The following SF3A3 variants were observed in gnomAD, a reference collection of about 807,000 sequenced individuals.
SF3A3 encodes splicing factor 3a subunit 3.
A neutral mutation model predicts 85.8 loss-of-function variants in SF3A3; 9 were observed. That is an observed-to-expected ratio of 0.10 (90% CI 0.06 to 0.18). The LOEUF (loss-of-function observed/expected upper bound fraction) is 0.18. Ranked by LOEUF, SF3A3 falls within the 10% of genes least tolerant of loss-of-function variation. The pLI, the probability that SF3A3 is intolerant of heterozygous loss-of-function variation, is 1.00. For synonymous variants in SF3A3, 195 were observed against 204.4 expected (o/e 0.95, Z 0.39); for missense variants, 306 against 593.3 (o/e 0.52, Z 5.03).
rs553607722 is a variant in SF3A3 at position 37,968,266 on chromosome 1, G to T, written c.1282-132C>A. 11 of 663,964 alleles carry T rather than the reference G, an allele frequency of 1.7e-5. No individual in the cohort carries two copies. In the African/African-American group the frequency reaches 2.0e-4, roughly 12 times the overall value. 41.1% of individuals were successfully genotyped at this position (663,964 alleles called of 1,614,324 possible). Reference sequence around the variant, plus strand: ...CACCTAAAGGTAGCATTCCTTTTGTGATTCATGTTTGTAAACAGCTGGCTG... The same window carrying T: ...CACCTAAAGGTAGCATTCCTTTTGTTATTCATGTTTGTAAACAGCTGGCTG... On this transcript the variant is annotated intron_variant, in intron 14 of 16. Transcript: ENST00000373019.
At chr1:37,966,602 G>A (rs1224673832) in intron 15 of SF3A3, among the ~76,000 whole-genome samples, 1 of 152,088 alleles carries the variant, frequency 6.6e-6, no homozygotes, top group Non-Finnish European at 1.5e-5. Flanking sequence ...CTTCTCAAAG[G>A]AGAAACAATC....
chr1:37,969,354 A>G lies in SF3A3; in HGVS notation c.1281T>C (p.Ala427=). 1 of 1,605,438 alleles carries G rather than the reference A, an allele frequency of 6.2e-7. No homozygotes were observed. Among genetic ancestry groups the G allele is most frequent in the Non-Finnish European group, 8.5e-7 (1 of 1,173,858 alleles). ...GGAAAAATGGCTCTGAATTCCTTAC[A>G]GCAAAGTGTCGCTGGAAGGCTTTGG... The part of the protein sequence containing the change: ...RGPKAFQRHF[A]EWRHAHGMRC... The change falls in exon 14 of 17, where the codon GCT becomes GCC. Residue 427 remains alanine, a splice_region_variant and synonymous_variant. Coordinates refer to ENST00000373019, the MANE Select transcript of SF3A3 (RefSeq NM_006802.4).
At chr1:37,983,088 G>A (rs935140642) in intron 6 of SF3A3, among the ~76,000 whole-genome samples, 3 of 151,618 alleles carry the variant, frequency 2.0e-5, no homozygotes, top group Non-Finnish European at 2.9e-5. Context: ...ACAGGCATGC[G>A]CCACCATGCC....
chr1:37,980,782 G>T, intron 7 of SF3A3, 58 bp from the exon 8 acceptor site: 1 of 1,274,146 alleles, frequency 7.8e-7, no homozygotes, highest in Non-Finnish European at 1.1e-6. Context: ...TTGGTATCTT[G>T]TTATTCCCTG....
chr1:37,986,554 G>A (rs556115367), intron 4 of SF3A3, among the ~76,000 whole-genome samples: 7 of 151,620 alleles, frequency 4.6e-5, no homozygotes, highest in Non-Finnish European at 1.0e-4. Context: ...GCTCATGCCT[G>A]TAATCCCAGC....
At chr1:37,987,320 C>T (rs1646464089) in intron 4 of SF3A3, among the ~76,000 whole-genome samples, 1 of 152,164 alleles carries the variant, frequency 6.6e-6, no homozygotes, top group Admixed American at 6.5e-5. Flanking sequence ...CTCAGGTGAT[C>T]CACCCACCTC....
At chr1:37,972,309 G>A (rs1646349925) in intron 12 of SF3A3, among the ~76,000 whole-genome samples, 2 of 152,168 alleles carry the variant, frequency 1.3e-5, no homozygotes, top group African/African-American at 4.8e-5. Flanking sequence ...GGGATGTGAA[G>A]GACCTCTTCA....
chr1:37,971,455 G>C (rs1215755513), intron 12 of SF3A3, among the ~76,000 whole-genome samples: 1 of 152,102 alleles, frequency 6.6e-6, no homozygotes, highest in Non-Finnish European at 1.5e-5. Flanking sequence ...CATTCCTTCT[G>C]AAACTATTCT....
rs1158530075 is a variant in SF3A3 at position 37,957,550 on chromosome 1, T to C, written c.*636A>G. 6.6e-6 allele frequency: 1 copy of C among 151,396 alleles called. No homozygotes were observed. The highest frequency in any genetic ancestry group is 2.4e-5 in the African/African-American group (1 of 41,048). The allele number at this position is 151,396 out of a possible 1,614,324, so 9.4% of individuals were successfully genotyped here. ...TTAATGAGACAGGGTCTCACTATGT[T>C]ACCTAGGCTAGTCTCAAGCAACCCT... On this transcript the variant is annotated 3_prime_UTR_variant, in exon 17 of 17. Transcript: ENST00000373019.
At position 37,989,979 on chromosome 1, in the gene SF3A3, C is replaced by T; in HGVS notation, c.-14G>A. 1.2e-6 allele frequency: 2 copies of T among 1,600,476 alleles called. No individual in the cohort carries two copies. The highest frequency in any genetic ancestry group is 1.7e-6 in the Non-Finnish European group (2 of 1,172,686). On this transcript the variant is annotated 5_prime_UTR_variant, in exon 1 of 17. Coordinates refer to ENST00000373019, the MANE Select transcript of SF3A3 (RefSeq NM_006802.4). The stretch of plus-strand genomic sequence containing the variant: ...TATTGTCTCCATCTTCCCTTAGTCG[C>T]GGCTTCTCAATTCAGACCACCAACA...
intron 11 of SF3A3, among the ~76,000 whole-genome samples, chr1:37,977,288 G>A (rs1646385290): frequency 6.6e-6 from 1 of 152,196 alleles, no homozygotes; most frequent in Non-Finnish European, 1.5e-5. Context: ...TCCTGACTCT[G>A]CTACTTAGAA....
At position 37,984,217 on chromosome 1, in the gene SF3A3, G is replaced by A. The variant is rs139312538; in HGVS notation, c.420C>T (p.Leu140=). Residue 140 remains leucine, a synonymous_variant, in exon 6 of 17, where the codon CTC becomes CTT. Transcript: ENST00000373019. ...ACTTGAGGTAACAGTCATGGAGATC[G>A]AGATAACGACCATATCCCTCTTCAT... ...FTDEEGYGRY[L]DLHDCYLKYI... 449 of 1,609,616 alleles carry A rather than the reference G, an allele frequency of 2.8e-4. No homozygotes were observed. In the African/African-American group the frequency reaches 5.3e-3, roughly 19 times the overall value.
rs1332572263 is a variant in SF3A3 at position 37,957,544 on chromosome 1, CTA to C, written c.*640_*641del. On this transcript the variant is annotated 3_prime_UTR_variant, in exon 17 of 17. Coordinates refer to ENST00000373019, the MANE Select transcript of SF3A3 (RefSeq NM_006802.4). Reference sequence around the variant, plus strand: ...TTTTTTTTAATGAGACAGGGTCTCACTATGTTACCTAGGCTAGTCTCAAGCAA... The same window carrying C: ...TTTTTTTTAATGAGACAGGGTCTCACTGTTACCTAGGCTAGTCTCAAGCAA... 2.0e-5 allele frequency: 3 copies of C among 148,542 alleles called. No homozygotes were observed. The East Asian group carries it at 6.0e-4, about 30-fold the overall frequency. The allele number at this position is 148,542 out of a possible 1,614,324, so 9.2% of individuals were successfully genotyped here.
rs558782842 is a variant in SF3A3, at chr1:37,971,656, C to A, written c.1006-1921G>T. On this transcript the variant is annotated intron_variant, in intron 12 of 16. Coordinates refer to ENST00000373019, the MANE Select transcript of SF3A3 (RefSeq NM_006802.4). The stretch of plus-strand genomic sequence containing the variant: ...CAGCAGCACATCAAAAACTTATCCA[C>A]CATGATCAAGTTGGCTTCATCCCTG... Among the ~76,000 whole-genome samples the A allele has an allele frequency of 1.7e-4, 26 of 152,306 alleles. No individual in the cohort carries two copies. The South Asian group carries it at 4.8e-3, about 28-fold the overall frequency.
At chr1:37,987,929 C>T (rs1007344227) in intron 2 of SF3A3, 93 bp from the exon 3 acceptor site, 1 of 992,458 alleles carries the variant, frequency 1.0e-6, no homozygotes, top group East Asian at 2.4e-5. Context: ...AAGCCCAGGG[C>T]AACCTCAAGA....
intron 12 of SF3A3, among the ~76,000 whole-genome samples, chr1:37,974,196 G>A (rs967670583): frequency 2.7e-5 from 4 of 150,878 alleles, no homozygotes; most frequent in African/African-American, 9.8e-5. Flanking sequence ...AAACCTACAC[G>A]TTGTGCACAT....
chr1:37,983,236 C>G (rs1172457381), intron 6 of SF3A3, among the ~76,000 whole-genome samples: 1 of 138,524 alleles, frequency 7.2e-6, no homozygotes, highest in Admixed American at 7.8e-5. Context: ...CTGTGTCCAG[C>G]CAGGAACATG....
intron 2 of SF3A3, among the ~76,000 whole-genome samples, chr1:37,988,558 A>AG (rs1306092730): frequency 6.6e-6 from 1 of 152,168 alleles, no homozygotes; most frequent in South Asian, 2.1e-4. Flanking sequence ...TAATCACCCA[A>AG]GGGGAAAAAA....
At chr1:37,968,638 T>C (rs1646318820) in intron 14 of SF3A3, among the ~76,000 whole-genome samples, 1 of 152,196 alleles carries the variant, frequency 6.6e-6, no homozygotes, top group Non-Finnish European at 1.5e-5. Flanking sequence ...GTAAATGGCA[T>C]GGGCTTTATC....
Sources: gnomAD v4.1 joint callset for allele counts (sites outside exome capture counted in the v4.1 genomes callset) on GRCh38, gnomAD v4.1.1 for gene constraint, MANE v1.5 for transcripts, NCBI Gene and HGNC (gene_info 2026-07-23, HGNC 2026-07-21) for gene names.